The following ABI3BP variants were observed in gnomAD, a reference collection of about 807,000 sequenced individuals.
ABI3BP encodes ABI family member 3 binding protein, also known as target of Nesh-SH3.
A neutral mutation model predicts 268.6 loss-of-function variants in ABI3BP; 216 were observed. The ratio of observed to expected loss-of-function variants is 0.80; its 90% CI spans 0.72 to 0.90. ABI3BP has a LOEUF of 0.90. Ranked by LOEUF, ABI3BP falls within the 40% of genes least tolerant of loss-of-function variation. The pLI is 0.00. For missense variants in ABI3BP, 2,090 were observed against 2,182.4 expected, an observed-to-expected ratio of 0.96 and a Z score of 0.84; for synonymous variants, 730 against 730.0, an observed-to-expected ratio of 1.00 and a Z score of 0.00.
intron 1 of ABI3BP, among the ~76,000 whole-genome samples, chr3:100,934,502 A>C (rs1039992899): frequency 6.6e-6 from 1 of 152,152 alleles, no homozygotes; most frequent in African/African-American, 2.4e-5. Flanking sequence ...ATACCCAGTA[A>C]TGGGATTGCT....
At chr3:100,764,470 A>G (rs895083509) in intron 63 of ABI3BP, among the ~76,000 whole-genome samples, 7 of 152,254 alleles carry the variant, frequency 4.6e-5, no homozygotes, top group Non-Finnish European at 8.8e-5. Context: ...TGGGTTTAAA[A>G]TGATACTGAA....
intron 42 of ABI3BP, among the ~76,000 whole-genome samples, 160 bp downstream of exon 42, chr3:100,817,276 T>C (rs1470623485): frequency 6.6e-6 from 1 of 152,168 alleles, no homozygotes; most frequent in African/African-American, 2.4e-5. Context: ...TAAGGATCAC[T>C]AATACTCAAA....
intron 1 of ABI3BP, among the ~76,000 whole-genome samples, chr3:100,965,498 GA>G (rs2080927637): frequency 3.2e-5 from 1 of 31,198 alleles, no homozygotes; most frequent in South Asian, 1.9e-3. Flanking sequence ...CCTTTATTCT[GA>G]ATAAAACAAA....
At chr3:100,952,350 A>G (rs2075361603) in intron 1 of ABI3BP, among the ~76,000 whole-genome samples, 1 of 152,200 alleles carries the variant, frequency 6.6e-6, no homozygotes, top group Non-Finnish European at 1.5e-5. Context: ...TGATTTAGCC[A>G]TTCTACAATG....
At position 100,876,529 on chromosome 3, in the gene ABI3BP, A is replaced by T. The variant is rs777599796; in HGVS notation, c.728T>A (p.Ile243Lys). 9 of 1,613,098 alleles carry T rather than the reference A, an allele frequency of 5.6e-6. No individual in the cohort carries two copies. The highest frequency in any genetic ancestry group is 1.7e-4 in the Middle Eastern group (1 of 6,048). ...CAAATTACCTTGCTTGATGATTGTT[A>T]TTGGGATTAGTTTCCTTGGGACATA... is the stretch of plus-strand genomic sequence containing the variant. ...PAYVPRKLIPITIIKQVIQNV... is the reference protein window; with the variant it reads ...PAYVPRKLIPKTIIKQVIQNV... The change falls in exon 7 of 68, where the codon ATA becomes AAA. Residue 243 changes from isoleucine (I) to lysine (K), a missense_variant. Ile to Lys is a moderately radical substitution (Grantham distance 102). Coordinates refer to ENST00000471714, the MANE Select transcript of ABI3BP (RefSeq NM_001375547.2).
Position 100,864,922 on chromosome 3 carries a change from G to A in ABI3BP, c.989-15C>T. 6.3e-7 allele frequency: 1 copy of A among 1,588,982 alleles called. No homozygotes were observed. The highest frequency in any genetic ancestry group is 8.6e-7 in the Non-Finnish European group (1 of 1,166,300). On this transcript the variant is annotated splice_polypyrimidine_tract_variant and intron_variant, in intron 10 of 67. Coordinates refer to ENST00000471714, the MANE Select transcript of ABI3BP (RefSeq NM_001375547.2). The stretch of plus-strand genomic sequence containing the variant: ...TTCAGGAGTCACTGAAAGGTAAAAA[G>A]CACAACTTTACAAATTAAGATAAAG...
At chr3:100,877,283 T>C (rs1675985252) in intron 6 of ABI3BP, among the ~76,000 whole-genome samples, 1 of 152,188 alleles carries the variant, frequency 6.6e-6, no homozygotes, top group Non-Finnish European at 1.5e-5. Flanking sequence ...ATTGTTTGAG[T>C]GTATCCAATT....
chr3:100,780,246 G>T (rs2096828667), intron 57 of ABI3BP, 37 bp from the exon 58 acceptor site: 1 of 1,588,178 alleles, frequency 6.3e-7, no homozygotes, highest in Admixed American at 1.7e-5. Context: ...TAAACATATA[G>T]CAAAAATGTT....
Position 100,751,404 on chromosome 3 carries a change from A to AACTT in ABI3BP, c.5245+144_5245+147dup, listed in dbSNP as rs375846603. The AACTT allele has an allele frequency of 4.4e-5, 37 of 832,710 alleles. 1 individual carries two copies. The Middle Eastern group carries it at 1.6e-3, about 36-fold the overall frequency. 51.6% of individuals were successfully genotyped at this position (832,710 alleles called of 1,614,324 possible). A position where few individuals can be genotyped will look rare whatever the true frequency, so the allele number is the denominator to read the frequency against. On this transcript the variant is annotated intron_variant, in intron 67 of 67. Coordinates refer to ENST00000471714, the MANE Select transcript of ABI3BP (RefSeq NM_001375547.2). Reference sequence around the variant, plus strand: ...TTGGCTCCAGGTTTCTAAGCTGAGAAACTTACATTGAAGTCTTCATTTTTT... The same window carrying AACTT: ...TTGGCTCCAGGTTTCTAAGCTGAGAAACTTACTTACATTGAAGTCTTCATTTTTT...
intron 2 of ABI3BP, among the ~76,000 whole-genome samples, chr3:100,916,027 G>A (rs1220846001): frequency 6.6e-6 from 1 of 152,174 alleles, no homozygotes; most frequent in East Asian, 1.9e-4. Context: ...TTTATTGCAT[G>A]TAGTTTTTTC....
chr3:100,789,660 A>G (rs1448283100), intron 55 of ABI3BP, 144 bp from the exon 56 acceptor site: 5 of 674,104 alleles, frequency 7.4e-6, no homozygotes, highest in Non-Finnish European at 1.2e-5. Context: ...TGCATTATAG[A>G]CTTCACGCTA....
intron 20 of ABI3BP, among the ~76,000 whole-genome samples, chr3:100,845,875 C>T (rs116080604): frequency 0.011 from 1,661 of 149,074 alleles, 31 homozygotes; most frequent in African/African-American, 0.039. Context: ...GAAAACACCA[C>T]TAAAAATTCC....
intron 4 of ABI3BP, 78 bp from the exon 5 acceptor site, chr3:100,886,401 C>T (rs2041988618): frequency 1.8e-6 from 2 of 1,093,292 alleles, no homozygotes; most frequent in Non-Finnish European, 2.4e-6. Context: ...TACTTCATCA[C>T]AGATTTCAAC....
chr3:100,752,990 G>T, intron 65 of ABI3BP, 42 bp from the exon 66 acceptor site: 1 of 1,521,942 alleles, frequency 6.6e-7, no homozygotes, highest in Non-Finnish European at 8.9e-7. Context: ...CTGACTCTTG[G>T]GTCAGATACT....
chr3:100,962,840 A>G (rs9827075), intron 1 of ABI3BP, among the ~76,000 whole-genome samples: 24,080 of 152,092 alleles, frequency 0.16, 2,033 homozygotes, highest in Middle Eastern at 0.24. Flanking sequence ...TTGAACTATC[A>G]CTTACACACT....
rs758350698 is a variant in ABI3BP, at chr3:100,851,914, T to C, written c.1312A>G (p.Thr438Ala). 7.0e-6 allele frequency: 11 copies of C among 1,580,110 alleles called. No individual in the cohort carries two copies. The highest frequency in any genetic ancestry group is 9.5e-6 in the Non-Finnish European group (11 of 1,162,768). ...TATYDVFSSP[T>A]TSDEPEISDS... Reference sequence around the variant, plus strand: ...GATATCTCAGGCTCATCTGATGTTGTAGGGCTTGAGAAAACATCATAAGTT... The same window carrying C: ...GATATCTCAGGCTCATCTGATGTTGCAGGGCTTGAGAAAACATCATAAGTT... Residue 438 changes from threonine to alanine, a missense_variant, in exon 15 of 68, where the codon ACA becomes GCA. Coordinates refer to ENST00000471714, the MANE Select transcript of ABI3BP (RefSeq NM_001375547.2).
At chr3:100,791,713 C>T (rs985529860) in intron 55 of ABI3BP, among the ~76,000 whole-genome samples, 1 of 151,662 alleles carries the variant, frequency 6.6e-6, no homozygotes, top group African/African-American at 2.4e-5. Context: ...TAAAACGTAA[C>T]AAAAAGTTAA....
intron 62 of ABI3BP, among the ~76,000 whole-genome samples, chr3:100,769,635 CA>C (rs1305413717): frequency 6.6e-6 from 1 of 152,128 alleles, no homozygotes; most frequent in East Asian, 1.9e-4. Context: ...CTTACTAGCA[CA>C]GTATATGAAG....
At chr3:100,890,984 C>CTTTT (rs35008478) in intron 4 of ABI3BP, among the ~76,000 whole-genome samples, 5 of 143,720 alleles carry the variant, frequency 3.5e-5, no homozygotes, top group Non-Finnish European at 6.1e-5. Flanking sequence ...AACTGGTCAA[C>CTTTT]TTTTTTTTTT....
Sources: allele counts gnomAD v4.1 joint callset (sites outside exome capture counted in the v4.1 genomes callset), GRCh38; gene constraint gnomAD v4.1.1; transcripts MANE v1.5; gene names NCBI Gene and HGNC (gene_info 2026-07-23, HGNC 2026-07-21).